Variants in C3orf85 observed in about 807,000 individuals in gnomAD.
The protein encoded by C3orf85 is chromosome 3 open reading frame 85, also known as uncharacterized protein C3orf85.
A neutral mutation model predicts 1.7 loss-of-function variants in C3orf85; 1 was observed. The observed-to-expected ratio is 0.60, with a 90% CI of 0.21 to 2.86. The LOEUF is 2.86. C3orf85 is among the 30% of genes most tolerant of loss of function. The probability of loss-of-function intolerance (pLI) is 0.22; values close to 1 mark genes in which losing one functional copy is unlikely to be tolerated. For synonymous variants in C3orf85, 17 were observed against 8.0 expected, an observed-to-expected ratio of 2.13 and a Z score of -1.90; for missense variants, 29 against 21.3, an observed-to-expected ratio of 1.36 and a Z score of -0.72.
chr3:109,147,610 A>C (rs1322067893), intron 2 of C3orf85, among the ~76,000 whole-genome samples: 2 of 152,186 alleles, frequency 1.3e-5, no homozygotes, highest in Non-Finnish European at 2.9e-5. Flanking sequence ...GATTTTTAAA[A>C]ATTATCATCT....
chr3:109,149,779 A>G (rs1198234814), intron 3 of C3orf85, 26 bp from the exon 4 acceptor site: 2 of 398,254 alleles, frequency 5.0e-6, no homozygotes, highest in Admixed American at 8.8e-5. Context: ...CTCAGAGATC[A>G]TGACTTGTGT....
intron 2 of C3orf85, among the ~76,000 whole-genome samples, chr3:109,143,018 GT>G (rs1706757812): frequency 6.6e-6 from 1 of 152,182 alleles, no homozygotes; most frequent in Non-Finnish European, 1.5e-5. Flanking sequence ...TAGGAGGGCA[GT>G]TTACTCTCAA....
At chr3:109,145,193 C>G (rs998640313) in intron 2 of C3orf85, among the ~76,000 whole-genome samples, 1 of 152,076 alleles carries the variant, frequency 6.6e-6, no homozygotes. Flanking sequence ...TACTATCTGT[C>G]CTTACACCAC....
chr3:109,145,789 C>A (rs1375197936), intron 2 of C3orf85, among the ~76,000 whole-genome samples: 2 of 151,270 alleles, frequency 1.3e-5, no homozygotes, highest in Non-Finnish European at 3.0e-5. Flanking sequence ...TCCAACTTAC[C>A]TTTCCAGTGT....
At chr3:109,138,214 A>G (rs1706702239) in intron 2 of C3orf85, among the ~76,000 whole-genome samples, 1 of 152,350 alleles carries the variant, frequency 6.6e-6, no homozygotes, top group East Asian at 1.9e-4. Flanking sequence ...ACTCTAAAAA[A>G]AAATAATAAA....
intron 2 of C3orf85, among the ~76,000 whole-genome samples, chr3:109,143,258 A>G (rs773665126): frequency 6.6e-6 from 1 of 152,238 alleles, no homozygotes; most frequent in Non-Finnish European, 1.5e-5. Context: ...TCTTTTAGAT[A>G]TATAGGTTCC....
At chr3:109,144,751 A>G (rs1051197725) in intron 2 of C3orf85, among the ~76,000 whole-genome samples, 5 of 152,230 alleles carry the variant, frequency 3.3e-5, no homozygotes, top group African/African-American at 1.2e-4. Context: ...ACACTATCTT[A>G]AGCAATTACT....
At chr3:109,146,888 A>G (rs1001596102) in intron 2 of C3orf85, among the ~76,000 whole-genome samples, 2 of 152,174 alleles carry the variant, frequency 1.3e-5, no homozygotes, top group South Asian at 2.1e-4. Flanking sequence ...GGTTTCCACA[A>G]ACTTGCTGGT....
At chr3:109,138,151 C>T (rs546315588) in intron 2 of C3orf85, among the ~76,000 whole-genome samples, 44 of 152,192 alleles carry the variant, frequency 2.9e-4, no homozygotes, top group African/African-American at 9.9e-4. Context: ...ACTTCAACTC[C>T]AACTGAGATA....
chr3:109,141,053 C>T (rs11708591), intron 2 of C3orf85, among the ~76,000 whole-genome samples: 2 of 152,174 alleles, frequency 1.3e-5, no homozygotes, highest in African/African-American at 4.8e-5. Flanking sequence ...GTGGTGTGAT[C>T]TCAGTTCACT....
At chr3:109,141,053 C>A (rs11708591) in intron 2 of C3orf85, among the ~76,000 whole-genome samples, 7,737 of 152,282 alleles carry the variant, frequency 0.051, 291 homozygotes, top group Non-Finnish European at 0.081. Flanking sequence ...GTGGTGTGAT[C>A]TCAGTTCACT....
At chr3:109,147,957 A>C (rs1426274084) in intron 2 of C3orf85, among the ~76,000 whole-genome samples, 2 of 152,182 alleles carry the variant, frequency 1.3e-5, no homozygotes, top group East Asian at 1.9e-4. Context: ...TAGGGCTGGA[A>C]TTCGAATCCA....
At chr3:109,137,982 G>C (rs1182090886) in intron 2 of C3orf85, among the ~76,000 whole-genome samples, 1 of 152,122 alleles carries the variant, frequency 6.6e-6, no homozygotes, top group African/African-American at 2.4e-5. Context: ...TGACTTTAGA[G>C]GGGGTAACGG....
At chr3:109,146,944 T>C (rs960163827) in intron 2 of C3orf85, among the ~76,000 whole-genome samples, 2 of 152,186 alleles carry the variant, frequency 1.3e-5, no homozygotes, top group African/African-American at 2.4e-5. Flanking sequence ...CAGTATTAAT[T>C]CTGGCATCTG....
At chr3:109,142,127 C>CT (rs1313489362) in intron 2 of C3orf85, among the ~76,000 whole-genome samples, 1 of 152,138 alleles carries the variant, frequency 6.6e-6, no homozygotes, top group Non-Finnish European at 1.5e-5. Context: ...ATAACTCCCC[C>CT]TACATTTACA....
chr3:109,149,293 G>GTAC (rs1706838891), intron 3 of C3orf85: 1 of 152,002 alleles, frequency 6.6e-6, no homozygotes, highest in Non-Finnish European at 1.5e-5. Context: ...GATCTTGTCC[G>GTAC]TACTCCACAT....
chr3:109,137,841 A>T (rs1384574787), intron 2 of C3orf85, among the ~76,000 whole-genome samples: 1 of 152,084 alleles, frequency 6.6e-6, no homozygotes, highest in Non-Finnish European at 1.5e-5. Context: ...ATTACAGCCC[A>T]CATTGCCAGA....
chr3:109,142,307 T>C (rs1334080109), intron 2 of C3orf85, among the ~76,000 whole-genome samples: 1 of 152,208 alleles, frequency 6.6e-6, no homozygotes, highest in East Asian at 1.9e-4. Context: ...AAAATAAATA[T>C]TTTAAAGGCA....
chr3:109,139,179 T>C (rs1706712652), intron 2 of C3orf85, among the ~76,000 whole-genome samples: 1 of 152,210 alleles, frequency 6.6e-6, no homozygotes, highest in Non-Finnish European at 1.5e-5. Flanking sequence ...CATCTACCAC[T>C]TATGAGAACA....
Sources: allele counts gnomAD v4.1 joint callset (sites outside exome capture counted in the v4.1 genomes callset), GRCh38; gene constraint gnomAD v4.1.1; transcripts MANE v1.5; gene names NCBI Gene and HGNC (gene_info 2026-07-23, HGNC 2026-07-21).